SLC22A24: variants seen among roughly 807,000 people sequenced by gnomAD.
The protein encoded by SLC22A24 is steroid transmembrane transporter SLC22A24.
SLC22A24 carries 53 observed loss-of-function variants against 49.8 expected under a neutral mutation model. The ratio of observed to expected loss-of-function variants is 1.06; its 90% confidence interval spans 0.85 to 1.34. The LOEUF is 1.34. SLC22A24 is among the 40% of genes most tolerant of loss of function. The pLI, the probability that SLC22A24 is intolerant of heterozygous loss-of-function variation, is 0.00. For missense variants in SLC22A24, 786 were observed against 675.9 expected, an observed-to-expected ratio of 1.16 and a Z score of -1.81; for synonymous variants, 302 against 256.4, an observed-to-expected ratio of 1.18 and a Z score of -1.70.
intron 1 of SLC22A24, among the ~76,000 whole-genome samples, chr11:63,135,169 A>G (rs2087364938): frequency 6.6e-6 from 1 of 152,130 alleles, no homozygotes; most frequent in Admixed American, 6.5e-5. Context: ...AACCCCCACA[A>G]TCTTTCTAAG....
At chr11:63,083,190 C>T in intron 7 of SLC22A24, 53 bp downstream of exon 7, 3 of 1,419,110 alleles carry the variant, frequency 2.1e-6, no homozygotes, top group Non-Finnish European at 2.9e-6. Flanking sequence ...CCAATGTAAT[C>T]CCTGGAGAAT....
chr11:63,084,866 GT>G (rs1392272600), intron 6 of SLC22A24, among the ~76,000 whole-genome samples: 1 of 152,042 alleles, frequency 6.6e-6, no homozygotes, highest in Non-Finnish European at 1.5e-5. Flanking sequence ...AATATCTGAG[GT>G]TTAATTTTCA....
In SLC22A24 at chr11:63,131,761, G is replaced by T. The variant is rs74330967; in HGVS notation, c.506+2904C>A. On this transcript the variant is annotated intron_variant, in intron 2 of 9. Transcript: ENST00000612278. ...TGAATCTGACAATTACATGTCTTGG[G>T]CTTGCTCTTCTCAAGGAGTATCTTT... 4.4e-4 allele frequency among the ~76,000 whole-genome samples: 66 copies of T among 151,564 alleles called. 1 individual carries two copies. Among genetic ancestry groups the T allele is most frequent in the Admixed American group, 1.8e-3 (27 of 15,252 alleles).
intron 6 of SLC22A24, among the ~76,000 whole-genome samples, chr11:63,084,938 AT>A (rs35160977): frequency 0.47 from 68,105 of 146,406 alleles, 15,754 homozygotes; most frequent in South Asian, 0.52. Flanking sequence ...AGAGGATGGG[AT>A]TTTTTTTTTT....
chr11:63,129,788 T>A (rs2087320394), intron 2 of SLC22A24, among the ~76,000 whole-genome samples: 1 of 152,198 alleles, frequency 6.6e-6, no homozygotes, highest in Non-Finnish European at 1.5e-5. Flanking sequence ...TGTCTGTTAT[T>A]GGTGTGTAGC....
intron 2 of SLC22A24, among the ~76,000 whole-genome samples, chr11:63,129,231 A>C (rs2087316081): frequency 6.6e-6 from 1 of 152,184 alleles, no homozygotes; most frequent in South Asian, 2.1e-4. Flanking sequence ...ATTAAAAAGG[A>C]AATCCTTTCC....
chr11:63,118,021 G>A (rs1014787592), intron 4 of SLC22A24, among the ~76,000 whole-genome samples: 2 of 152,172 alleles, frequency 1.3e-5, no homozygotes, highest in Non-Finnish European at 2.9e-5. Context: ...ACATTTGTCA[G>A]TAAATATGTT....
chr11:63,089,144 CAA>C (rs1260233817), intron 6 of SLC22A24, among the ~76,000 whole-genome samples: 1 of 152,004 alleles, frequency 6.6e-6, no homozygotes, highest in Non-Finnish European at 1.5e-5. Flanking sequence ...AAGATTGAAA[CAA>C]AGGAAAAAAT....
At chr11:63,102,780 C>T (rs2087098947) in intron 5 of SLC22A24, among the ~76,000 whole-genome samples, 2 of 152,082 alleles carry the variant, frequency 1.3e-5, no homozygotes, top group African/African-American at 4.8e-5. Flanking sequence ...TTTTCCATGC[C>T]TTGAGACCTA....
intron 5 of SLC22A24, among the ~76,000 whole-genome samples, chr11:63,098,747 C>G (rs1420255589): frequency 6.6e-6 from 1 of 151,718 alleles, no homozygotes; most frequent in Non-Finnish European, 1.5e-5. Context: ...AAAACAAGGG[C>G]AAACCAAACC....
intron 2 of SLC22A24, among the ~76,000 whole-genome samples, chr11:63,131,205 C>T (rs1040819187): frequency 5.9e-5 from 9 of 151,492 alleles, no homozygotes; most frequent in South Asian, 2.1e-4. Context: ...TATAGCACAC[C>T]GATAAAGAGT....
At chr11:63,139,334 A>T (rs2087398224) in intron 1 of SLC22A24, among the ~76,000 whole-genome samples, 1 of 152,176 alleles carries the variant, frequency 6.6e-6, no homozygotes, top group Non-Finnish European at 1.5e-5. Flanking sequence ...TTAAAAGCGG[A>T]TAGATCCCTC....
At chr11:63,124,006 G>A (rs575227197) in intron 2 of SLC22A24, among the ~76,000 whole-genome samples, 24 of 152,270 alleles carry the variant, frequency 1.6e-4, no homozygotes, top group Non-Finnish European at 1.6e-4. Context: ...CCACCAGATA[G>A]GAGTCAAGGA....
In SLC22A24 at chr11:63,143,846, A is replaced by C; in HGVS notation, c.-67T>G. 2 of 1,252,582 alleles carry C rather than the reference A, an allele frequency of 1.6e-6. No individual in the cohort carries two copies. Among genetic ancestry groups the C allele is most frequent in the Non-Finnish European group, 2.0e-6 (2 of 983,306 alleles). The allele number at this position is 1,252,582 out of a possible 1,614,324, so 77.6% of individuals were successfully genotyped here. ...TTATGAAGAGAAGTTCAGAGGGAGA[A>C]AATGTCCCCTTTCACAAAGTTACCA... On this transcript the variant is annotated 5_prime_UTR_variant, in exon 1 of 10. Transcript: ENST00000612278.
rs56708217 is a variant in SLC22A24 at position 63,099,371 on chromosome 11, ATTT to A, written c.955-3268_955-3266del. Among the ~76,000 whole-genome samples the A allele has an allele frequency of 9.0e-3, 470 of 52,262 alleles. 3 individuals carry two copies. The highest frequency in any genetic ancestry group is 0.031 in the East Asian group (40 of 1,294). 34.3% of individuals were successfully genotyped at this position (52,262 alleles called of 152,430 possible). Reference sequence around the variant, plus strand: ...CCACCACACCTGGCTAATTTTTAAGATTTTTTTTTTTTTTTTTTTTTTTTTTTT... The same window carrying A: ...CCACCACACCTGGCTAATTTTTAAGATTTTTTTTTTTTTTTTTTTTTTTTT... On this transcript the variant is annotated intron_variant, in intron 5 of 9. Transcript: ENST00000612278.
chr11:63,105,909 T>TA (rs1379136527), intron 4 of SLC22A24, among the ~76,000 whole-genome samples: 3 of 147,136 alleles, frequency 2.0e-5, no homozygotes, highest in Non-Finnish European at 3.0e-5. Flanking sequence ...GTTGCCCTTT[T>TA]AAAACTGAAT....
chr11:63,141,564 T>C (rs917642398), intron 1 of SLC22A24, among the ~76,000 whole-genome samples: 1 of 152,190 alleles, frequency 6.6e-6, no homozygotes. Flanking sequence ...ACAGAGTCCC[T>C]GTACAAGGTT....
At chr11:63,105,165 C>G (rs890423034) in intron 4 of SLC22A24, among the ~76,000 whole-genome samples, 1 of 152,222 alleles carries the variant, frequency 6.6e-6, no homozygotes, top group South Asian at 2.1e-4. Flanking sequence ...GGCAGCTCTG[C>G]CACTGTGGCT....
chr11:63,130,697 T>C (rs913061118), intron 2 of SLC22A24, among the ~76,000 whole-genome samples: 1 of 152,192 alleles, frequency 6.6e-6, no homozygotes, highest in Non-Finnish European at 1.5e-5. Context: ...CCTGGTTTAG[T>C]CTTGGGAGGG....
Sources: gnomAD v4.1 joint callset for allele counts (sites outside exome capture counted in the v4.1 genomes callset) on GRCh38, gnomAD v4.1.1 for gene constraint, MANE v1.5 for transcripts, NCBI Gene and HGNC (gene_info 2026-07-23, HGNC 2026-07-21) for gene names.